CUL4A: variants seen among roughly 807,000 people sequenced by gnomAD.
CUL4A encodes the protein cullin 4A.
Under a neutral mutation model 95.5 loss-of-function variants are expected in CUL4A, and 16 were observed. The observed-to-expected ratio is 0.17, with a 90% CI of 0.11 to 0.25. The LOEUF is 0.25. CUL4A is among the 10% of genes least tolerant of loss of function. The probability of loss-of-function intolerance (pLI) is 1.00; values close to 1 mark genes in which losing one functional copy is unlikely to be tolerated. For missense variants in CUL4A, 610 were observed against 937.0 expected (o/e 0.65, Z 4.56); for synonymous variants, 380 against 353.1 (o/e 1.08, Z -0.85).
At chr13:113,230,718 C>T (rs2041279331) in intron 5 of CUL4A, among the ~76,000 whole-genome samples, 1 of 152,068 alleles carries the variant, frequency 6.6e-6, no homozygotes, top group African/African-American at 2.4e-5. Flanking sequence ...AATAACTTGC[C>T]CTACCTCAGT....
In CUL4A at chr13:113,239,409, G is replaced by A. The variant is rs777907320; in HGVS notation, c.917-24G>A. 2.5e-6 allele frequency: 4 copies of A among 1,579,240 alleles called. No individual in the cohort carries two copies. The Admixed American group carries it at 6.7e-5, about 26-fold the overall frequency. ...GTTAATGCTGCCCATGCTGTACTCT[G>A]CTGACGTGTACTGCACATCTCAGGG... is the stretch of plus-strand genomic sequence containing the variant. On this transcript the variant is annotated intron_variant, in intron 9 of 19. Transcript: ENST00000375440.
intron 8 of CUL4A, among the ~76,000 whole-genome samples, chr13:113,235,958 G>A (rs1180372023): frequency 4.1e-5 from 6 of 146,336 alleles, no homozygotes; most frequent in Admixed American, 1.4e-4. Flanking sequence ...GCGACAGAGC[G>A]AGACTCCGTC....
chr13:113,245,867 A>G, intron 14 of CUL4A, 89 bp from the exon 15 acceptor site: 1 of 973,982 alleles, frequency 1.0e-6, no homozygotes, highest in Non-Finnish European at 1.5e-6. Context: ...ATGAAACTTT[A>G]TATTGAAAAT....
At chr13:113,262,603 C>G (rs886813287) in intron 19 of CUL4A, among the ~76,000 whole-genome samples, 1 of 152,186 alleles carries the variant, frequency 6.6e-6, no homozygotes, top group Non-Finnish European at 1.5e-5. Flanking sequence ...GAGCTGAGAT[C>G]GCACCACTGC....
intron 8 of CUL4A, 90 bp downstream of exon 8, chr13:113,235,235 C>A: frequency 1.2e-6 from 1 of 850,718 alleles, no homozygotes; most frequent in Non-Finnish European, 2.0e-6. Context: ...GTGTCTTTGT[C>A]AATTCATTCA....
chr13:113,244,407 C>CATAT lies in CUL4A; in HGVS notation c.1229-2_1229-1insTATA. 6.2e-7 allele frequency: 1 copy of CATAT among 1,609,548 alleles called. No homozygotes were observed. The highest frequency in any genetic ancestry group is 1.1e-5 in the South Asian group (1 of 90,406). ...AGTATTTACTATATGTTTATGCTCA[C>CATAT]AGCAAAGCATGTGGATTCAAAGTTA... On this transcript the variant is annotated splice_region_variant and splice_polypyrimidine_tract_variant and intron_variant, in intron 11 of 19. Transcript: ENST00000375440.
intron 11 of CUL4A, among the ~76,000 whole-genome samples, chr13:113,243,852 G>A (rs1236813405): frequency 6.6e-6 from 1 of 152,194 alleles, no homozygotes; most frequent in Non-Finnish European, 1.5e-5. Context: ...AAAGCAAAGG[G>A]ATGTTGAGCT....
intron 3 of CUL4A, among the ~76,000 whole-genome samples, chr13:113,221,922 G>T (rs1020805495): frequency 6.6e-6 from 1 of 152,248 alleles, no homozygotes; most frequent in African/African-American, 2.4e-5. Flanking sequence ...GGGACCTAAA[G>T]AAAGAGCAGC....
intron 7 of CUL4A, among the ~76,000 whole-genome samples, chr13:113,234,608 A>G (rs906257539): frequency 1.3e-5 from 2 of 152,220 alleles, no homozygotes; most frequent in South Asian, 4.1e-4. Flanking sequence ...CTTGGGAAAC[A>G]TGGGCGTACT....
chr13:113,239,919 C>G (rs1294647376), intron 10 of CUL4A, among the ~76,000 whole-genome samples: 3 of 152,222 alleles, frequency 2.0e-5, no homozygotes, highest in Non-Finnish European at 2.9e-5. Context: ...GCCCTTTCCT[C>G]AGGGAGAACT....
At position 113,239,539 on chromosome 13, in the gene CUL4A, C is replaced by T. The variant is rs1177403263; in HGVS notation, c.1023C>T (p.Ser341=). 3.1e-6 allele frequency: 5 copies of T among 1,612,110 alleles called. No homozygotes were observed. The highest frequency in any genetic ancestry group is 3.4e-6 in the Non-Finnish European group (4 of 1,179,182). The part of the protein sequence containing the change: ...GGQQALLQHW[S]EYIKTFGTAI... ...AGCAGGCGCTGCTGCAGCACTGGAG[C>T]GAGTACATCAAGGTACTGGCGGGGT... Residue 341 remains serine, a synonymous_variant, in exon 10 of 20, where the codon AGC becomes AGT. Coordinates refer to ENST00000375440, the MANE Select transcript of CUL4A (RefSeq NM_001008895.4).
rs375557725 is a variant in CUL4A, at chr13:113,253,774, G to A, written c.1752+579G>A. Among the ~76,000 whole-genome samples the A allele has an allele frequency of 4.6e-5, 7 of 152,240 alleles. No homozygotes were observed. In the East Asian group the frequency reaches 1.3e-3, roughly 29 times the overall value. On this transcript the variant is annotated intron_variant, in intron 16 of 19. Coordinates refer to ENST00000375440, the MANE Select transcript of CUL4A (RefSeq NM_001008895.4). ...AGTGGTTGCAGTGCTGTTATTATGA[G>A]CGATTATTTAAGAGGGGAGAATGCA...
intron 15 of CUL4A, among the ~76,000 whole-genome samples, chr13:113,252,637 A>G (rs1259700111): frequency 2.0e-5 from 3 of 152,246 alleles, no homozygotes; most frequent in African/African-American, 7.2e-5. Flanking sequence ...GCCCCTGCAC[A>G]GTGCAACGCA....
intron 2 of CUL4A, among the ~76,000 whole-genome samples, chr13:113,214,880 C>CTGG (rs1265192730): frequency 1.3e-5 from 2 of 152,028 alleles, no homozygotes; most frequent in Non-Finnish European, 2.9e-5. Context: ...CTATATGACT[C>CTGG]TGGAGGTAGC....
intron 15 of CUL4A, among the ~76,000 whole-genome samples, chr13:113,250,630 A>G (rs2041970201): frequency 6.6e-6 from 1 of 152,186 alleles, no homozygotes; most frequent in South Asian, 2.1e-4. Context: ...AGTCCTAGGA[A>G]TGAATCCCAA....
intron 6 of CUL4A, 63 bp from the exon 7 acceptor site, chr13:113,233,834 G>C: frequency 2.1e-6 from 2 of 965,336 alleles, no homozygotes; most frequent in Non-Finnish European, 3.4e-6. Context: ...ACTGGGATGT[G>C]TTAGCACTTG....
chr13:113,231,843 C>G (rs900705935), intron 5 of CUL4A, among the ~76,000 whole-genome samples: 1 of 152,126 alleles, frequency 6.6e-6, no homozygotes, highest in African/African-American at 2.4e-5. Context: ...CAGGAGAGGC[C>G]CATGGTGATG....
chr13:113,230,087 G>A, intron 5 of CUL4A: 1 of 178,462 alleles, frequency 5.6e-6, no homozygotes, highest in Non-Finnish European at 1.1e-5. Context: ...GCTGAATCCT[G>A]CCGCCTCCTG....
intron 3 of CUL4A, among the ~76,000 whole-genome samples, chr13:113,224,146 A>T (rs1195698223): frequency 5.3e-5 from 8 of 152,156 alleles, no homozygotes; most frequent in Non-Finnish European, 1.2e-4. Flanking sequence ...AGGTCAGGAG[A>T]TCGAGACCAT....
Sources: allele counts gnomAD v4.1 joint callset (sites outside exome capture counted in the v4.1 genomes callset), GRCh38; gene constraint gnomAD v4.1.1; transcripts MANE v1.5; gene names NCBI Gene and HGNC (gene_info 2026-07-23, HGNC 2026-07-21).